TAS1R1: variants seen among roughly 807,000 people sequenced by gnomAD.
TAS1R1 encodes the protein taste 1 receptor member 1.
TAS1R1 carries 31 observed loss-of-function variants against 45.8 expected under a neutral mutation model. That is an observed-to-expected ratio of 0.68 (90% CI 0.51 to 0.91). The LOEUF (loss-of-function observed/expected upper bound fraction) is 0.91, where lower values mean the gene tolerates loss of function less well. Ranked by LOEUF, TAS1R1 falls within the 40% of genes least tolerant of loss-of-function variation. The pLI is 0.00. For missense variants in TAS1R1, 1,051 were observed against 1,063.9 expected (o/e 0.99, Z 0.17); for synonymous variants, 437 against 448.4 (o/e 0.97, Z 0.32).
chr1:6,556,025 C>T (rs1017300330), intron 1 of TAS1R1, among the ~76,000 whole-genome samples: 4 of 152,174 alleles, frequency 2.6e-5, no homozygotes, highest in Admixed American at 2.0e-4. Flanking sequence ...GCACCCGCCA[C>T]TGCGCCCAGC....
rs1442087692 is a variant in TAS1R1, at chr1:6,574,689, T to G, written c.557T>G (p.Leu186Arg). 6.2e-7 allele frequency: 1 copy of G among 1,614,066 alleles called. No homozygotes were observed. Among genetic ancestry groups the G allele is most frequent in the African/African-American group, 1.3e-5 (1 of 74,948 alleles). ...GTGAAGCGGCAGTATCCCTCTTTCC[T>G]GCGCACCATCCCCAATGACAAGTAC... ...LSVKRQYPSFLRTIPNDKYQV... is the reference protein window; with the variant it reads ...LSVKRQYPSFRRTIPNDKYQV... Residue 186 changes from leucine (L) to arginine (R), a missense_variant, in exon 3 of 6, where the codon CTG becomes CGG. By Grantham distance (102) the Leu-to-Arg change is moderately radical. Coordinates refer to ENST00000333172, the MANE Select transcript of TAS1R1 (RefSeq NM_138697.4). This position sits in a 1 kb window ranked among gnomAD's most constrained non-coding sequence, Gnocchi z 4.3.
At chr1:6,576,686 G>A in intron 4 of TAS1R1, 59 bp downstream of exon 4, 1 of 1,585,844 alleles carries the variant, frequency 6.3e-7, no homozygotes, top group Non-Finnish European at 8.6e-7. Context: ...AGAGCCTGGG[G>A]GTGATGCTGA....
Position 6,555,345 on chromosome 1 carries a change from G to A in TAS1R1, c.-29G>A, listed in dbSNP as rs1165473447. On this transcript the variant is annotated 5_prime_UTR_variant, in exon 1 of 6. Transcript: ENST00000333172. ...TGGCCTCCTTAGAGGCCACTCCTTG[G>A]CCATGCCAGGCGCGGGCATCTGGCC... 1 of 1,541,590 alleles carries A rather than the reference G, an allele frequency of 6.5e-7. No homozygotes were observed. The highest frequency in any genetic ancestry group is 8.8e-7 in the Non-Finnish European group (1 of 1,140,682).
At chr1:6,578,578 A>G (rs988806251) in intron 5 of TAS1R1, 75 bp from the exon 6 acceptor site, 6 of 1,510,690 alleles carry the variant, frequency 4.0e-6, no homozygotes, top group Admixed American at 2.3e-5. Flanking sequence ...TTCTCCCAGT[A>G]TCTTGCAGGC....
chr1:6,571,314 C>T (rs1640010524), intron 2 of TAS1R1, 99 bp downstream of exon 2: 1 of 1,334,412 alleles, frequency 7.5e-7, no homozygotes, highest in Non-Finnish European at 1.0e-6. Context: ...CTGCCTGCCC[C>T]CTGGATCTCT....
intron 1 of TAS1R1, among the ~76,000 whole-genome samples, chr1:6,564,997 G>T (rs936675230): frequency 6.6e-6 from 1 of 152,070 alleles, no homozygotes; most frequent in Non-Finnish European, 1.5e-5. Context: ...CGGTGAATAG[G>T]TGGGGGGAGG....
intron 1 of TAS1R1, among the ~76,000 whole-genome samples, chr1:6,558,036 G>GTTTTTTTTTTT (rs779773064): frequency 7.1e-6 from 1 of 140,822 alleles, no homozygotes; most frequent in African/African-American, 2.8e-5. Context: ...GTAGTGGTTA[G>GTTTTTTTTTTT]TTTTTGTTTT....
intron 5 of TAS1R1, 29 bp from the exon 6 acceptor site, chr1:6,578,624 T>A: frequency 6.5e-7 from 1 of 1,529,228 alleles, no homozygotes; most frequent in Non-Finnish European, 8.8e-7. Context: ...CATCTGGCTC[T>A]CAGGAACCTT....
At chr1:6,563,615 G>A (rs1434429279) in intron 1 of TAS1R1, among the ~76,000 whole-genome samples, 3 of 152,118 alleles carry the variant, frequency 2.0e-5, no homozygotes, top group African/African-American at 7.2e-5. Context: ...GGGAGATAAA[G>A]AGCCAGCAGT....
intron 1 of TAS1R1, among the ~76,000 whole-genome samples, chr1:6,566,810 T>C (rs991854028): frequency 6.6e-6 from 1 of 152,198 alleles, no homozygotes; most frequent in South Asian, 2.1e-4. Flanking sequence ...TTAGCCAGGA[T>C]GGTCTTGATC....
In TAS1R1 at chr1:6,575,410, A is replaced by G; in HGVS notation, c.1260+18A>G. On this transcript the variant is annotated intron_variant, in intron 3 of 5. Coordinates refer to ENST00000333172, the MANE Select transcript of TAS1R1 (RefSeq NM_138697.4). ...CCTGGCAGGTAAGAGAGCCCACCCC[A>G]GCACCTCCTGTCAGGGAGAACAGCC... is the stretch of plus-strand genomic sequence containing the variant. The G allele has an allele frequency of 1.3e-6, 2 of 1,533,194 alleles. No homozygotes were observed. Among genetic ancestry groups the G allele is most frequent in the Non-Finnish European group, 1.7e-6 (2 of 1,143,620 alleles). The allele number at this position is 1,533,194 out of a possible 1,614,324, so 95.0% of individuals were successfully genotyped here.
chr1:6,575,256 T>A lies in TAS1R1; in HGVS notation c.1124T>A (p.Met375Lys). 1.2e-6 allele frequency: 2 copies of A among 1,613,422 alleles called. No homozygotes were observed. The highest frequency in any genetic ancestry group is 1.7e-6 in the Non-Finnish European group (2 of 1,180,010). Residue 375 changes from methionine (M) to lysine (K), a missense_variant, in exon 3 of 6, where the codon ATG becomes AAG. Coordinates refer to ENST00000333172, the MANE Select transcript of TAS1R1 (RefSeq NM_138697.4). ...TGCCAAGCTTTCATGGCACACACGA[T>A]GCCCAAGCTCAAAGCCTTCTCCATG... ...RECQAFMAHT[M>K]PKLKAFSMSS...
intron 1 of TAS1R1, among the ~76,000 whole-genome samples, chr1:6,559,124 A>C (rs1639737018): frequency 6.6e-6 from 1 of 151,428 alleles, no homozygotes. Flanking sequence ...CAATCTCCTG[A>C]CCTCGTGATC....
intron 1 of TAS1R1, among the ~76,000 whole-genome samples, chr1:6,567,648 TG>T (rs1172745536): frequency 6.6e-6 from 1 of 151,998 alleles, no homozygotes; most frequent in Non-Finnish European, 1.5e-5. Flanking sequence ...GTTTGGCAGT[TG>T]GGGCCTGGGG....
chr1:6,579,200 T>A lies in TAS1R1; in HGVS notation c.2142T>A (p.His714Gln), dbSNP rs148292318. ...LPAREYQRFP[H>Q]LVMLECTETN... ...CTAGGGAATACCAGCGCTTCCCCCA[T>A]CTGGTGATGCTTGAGTGCACAGAGA... Residue 714 changes from histidine (H) to glutamine (Q), a missense_variant, in exon 6 of 6, where the codon CAT (histidine) becomes CAA (glutamine). Coordinates refer to ENST00000333172, the MANE Select transcript of TAS1R1 (RefSeq NM_138697.4). 3 of 1,614,026 alleles carry A rather than the reference T, an allele frequency of 1.9e-6. No homozygotes were observed. Among genetic ancestry groups the A allele is most frequent in the African/African-American group, 2.7e-5 (2 of 74,918 alleles).
intron 5 of TAS1R1, among the ~76,000 whole-genome samples, chr1:6,577,441 A>C (rs1030344681): frequency 6.6e-6 from 1 of 151,934 alleles, no homozygotes; most frequent in Non-Finnish European, 1.5e-5. Flanking sequence ...AGGCTGAGGC[A>C]GGAGAATCAC....
chr1:6,579,685 G>T lies in TAS1R1; in HGVS notation c.*101G>T. On this transcript the variant is annotated 3_prime_UTR_variant, in exon 6 of 6. Transcript: ENST00000333172. Reference sequence around the variant, plus strand: ...GGAGGTCTTTGGGCATCGCGGTCTGGGGTTGGGACGTGTAAGCGCCTGGGA... The same window carrying T: ...GGAGGTCTTTGGGCATCGCGGTCTGTGGTTGGGACGTGTAAGCGCCTGGGA... 6.8e-7 allele frequency: 1 copy of T among 1,468,156 alleles called. No homozygotes were observed. Among genetic ancestry groups the T allele is most frequent in the Non-Finnish European group, 9.0e-7 (1 of 1,113,948 alleles). 90.9% of individuals were successfully genotyped at this position (1,468,156 alleles called of 1,614,324 possible). A position where few individuals can be genotyped will look rare whatever the true frequency, so the allele number is the denominator to read the frequency against.
intron 2 of TAS1R1, 96 bp downstream of exon 2, chr1:6,571,311 C>T (rs1343902879): frequency 6.7e-6 from 9 of 1,333,338 alleles, no homozygotes; most frequent in Non-Finnish European, 9.1e-6. Context: ...AGGCTGCCTG[C>T]CCCCTGGATC....
At chr1:6,566,469 A>G (rs1639873704) in intron 1 of TAS1R1, among the ~76,000 whole-genome samples, 1 of 152,056 alleles carries the variant, frequency 6.6e-6, no homozygotes, top group Non-Finnish European at 1.5e-5. Flanking sequence ...TGATTTTTTA[A>G]TGGGGAGGAT....
Sources: gnomAD v4.1 joint callset for allele counts (sites outside exome capture counted in the v4.1 genomes callset) on GRCh38, gnomAD v4.1.1 for gene constraint, Gnocchi (gnomAD v3.1) non-coding constraint, MANE v1.5 for transcripts, NCBI Gene and HGNC (gene_info 2026-07-23, HGNC 2026-07-21) for gene names.